Variants in RASGEF1C observed in about 807,000 individuals in gnomAD.
RASGEF1C encodes the protein RasGEF domain family member 1C.
In RASGEF1C, 27 loss-of-function variants were observed where a neutral mutation model predicts 58.1. The ratio of observed to expected loss-of-function variants is 0.46; its 90% CI spans 0.34 to 0.64. RASGEF1C has a LOEUF of 0.64. RASGEF1C is among the 30% of genes least tolerant of loss of function. The pLI, the probability that RASGEF1C is intolerant of heterozygous loss-of-function variation, is 0.01. For missense variants in RASGEF1C, 502 were observed against 605.1 expected (o/e 0.83, Z 1.79); for synonymous variants, 243 against 246.3 (o/e 0.99, Z 0.13).
chr5:180,119,929 G>C (rs970713164), intron 7 of RASGEF1C, among the ~76,000 whole-genome samples: 8 of 152,044 alleles, frequency 5.3e-5, no homozygotes, highest in Admixed American at 5.2e-4. Context: ...CAGGCGCTCG[G>C]GACTTCAGAC....
chr5:180,108,133 C>T (rs1765898752), intron 12 of RASGEF1C, among the ~76,000 whole-genome samples: 1 of 151,834 alleles, frequency 6.6e-6, no homozygotes, highest in African/African-American at 2.4e-5. Context: ...ACTGTGATGA[C>T]ATGAGTGTGG....
At chr5:180,112,215 C>T (rs1050926247) in intron 11 of RASGEF1C, among the ~76,000 whole-genome samples, 10 of 152,208 alleles carry the variant, frequency 6.6e-5, no homozygotes, top group Non-Finnish European at 1.3e-4. Flanking sequence ...GTTCCCTGGG[C>T]CCCTGCAGTG....
chr5:180,202,068 T>G (rs980410366), intron 1 of RASGEF1C, among the ~76,000 whole-genome samples: 2 of 151,726 alleles, frequency 1.3e-5, no homozygotes, highest in African/African-American at 4.8e-5. Context: ...AAAAGGTAAA[T>G]GTGAAATTAG....
chr5:180,163,249 TTTTC>T (rs377353504), intron 1 of RASGEF1C, among the ~76,000 whole-genome samples: 3,588 of 89,022 alleles, frequency 0.04, 338 homozygotes, highest in Middle Eastern at 0.082. Flanking sequence ...TTTTTTTTTT[TTTTC>T]CAGCCTATTG....
intron 1 of RASGEF1C, among the ~76,000 whole-genome samples, chr5:180,140,816 A>G (rs1175900617): frequency 1.3e-5 from 2 of 152,232 alleles, no homozygotes; most frequent in Non-Finnish European, 2.9e-5. Flanking sequence ...CGGCAGAGAG[A>G]CATGCCAGAC....
chr5:180,167,986 C>T (rs2113307065), intron 1 of RASGEF1C, among the ~76,000 whole-genome samples: 1 of 152,316 alleles, frequency 6.6e-6, no homozygotes, highest in African/African-American at 2.4e-5. Flanking sequence ...CGTGTGCTAC[C>T]TAGCGGCCAG....
At chr5:180,128,939 A>G (rs1389149991) in intron 4 of RASGEF1C, among the ~76,000 whole-genome samples, 1 of 152,200 alleles carries the variant, frequency 6.6e-6, no homozygotes, top group Non-Finnish European at 1.5e-5. Context: ...TGGGGTGGGC[A>G]CGGCCAGGAA....
At chr5:180,108,727 G>A (rs1765908553) in intron 12 of RASGEF1C, among the ~76,000 whole-genome samples, 1 of 152,094 alleles carries the variant, frequency 6.6e-6, no homozygotes. Flanking sequence ...TTGCTTCAAG[G>A]AGATTCAAGT....
intron 4 of RASGEF1C, among the ~76,000 whole-genome samples, chr5:180,135,717 A>G (rs1766459581): frequency 6.6e-6 from 1 of 152,198 alleles, no homozygotes; most frequent in Non-Finnish European, 1.5e-5. Context: ...GCAGCACTTG[A>G]TGCCCAGCAC....
chr5:180,160,973 G>A lies in RASGEF1C; in HGVS notation c.-6-22915C>T, dbSNP rs1009301529. On this transcript the variant is annotated intron_variant, in intron 1 of 13. Coordinates refer to ENST00000361132, the MANE Select transcript of RASGEF1C (RefSeq NM_175062.4). The stretch of plus-strand genomic sequence containing the variant: ...GACGACAGAAAACTGAGGAAGTGGC[G>A]TGTGACTGCATTTGGCACAGCCCTG... Among the ~76,000 whole-genome samples, 4 of 152,216 alleles carry A rather than the reference G, an allele frequency of 2.6e-5. No homozygotes were observed. In the East Asian group the frequency reaches 5.8e-4, roughly 22 times the overall value.
chr5:180,165,636 A>G (rs1215580920), intron 1 of RASGEF1C, among the ~76,000 whole-genome samples: 1 of 148,564 alleles, frequency 6.7e-6, no homozygotes, highest in Non-Finnish European at 1.5e-5. Context: ...GTGCCACAGC[A>G]CTCCAGCCTG....
Position 180,172,680 on chromosome 5 carries a change from G to A in RASGEF1C, c.-6-34622C>T, listed in dbSNP as rs1292743767. 3.3e-5 allele frequency among the ~76,000 whole-genome samples: 5 copies of A among 152,158 alleles called. No homozygotes were observed. In the East Asian group the frequency reaches 7.8e-4, roughly 24 times the overall value. On this transcript the variant is annotated intron_variant, in intron 1 of 13. Coordinates refer to ENST00000361132, the MANE Select transcript of RASGEF1C (RefSeq NM_175062.4). ...TCCACCCCAGAGCTTCGGGCTCCCA[G>A]CCCTTCTCTCACGCCCAGCTCCCCA...
In RASGEF1C at chr5:180,119,261, T is replaced by C. The variant is rs1000320045; in HGVS notation, c.907+85A>G. On this transcript the variant is annotated intron_variant, in intron 8 of 13. Coordinates refer to ENST00000361132, the MANE Select transcript of RASGEF1C (RefSeq NM_175062.4). ...CGCTGCTCAGAGGAGAGCCCTGGCT[T>C]GCACTCTGCCTGCCTGGCTGCACCC... The C allele has an allele frequency of 5.0e-5, 57 of 1,141,946 alleles. No individual in the cohort carries two copies. In the African/African-American group the frequency reaches 6.2e-4, roughly 12 times the overall value. 70.7% of individuals were successfully genotyped at this position (1,141,946 alleles called of 1,614,324 possible). A position where few individuals can be genotyped will look rare whatever the true frequency, so the allele number is the denominator to read the frequency against.
intron 1 of RASGEF1C, among the ~76,000 whole-genome samples, chr5:180,206,516 C>T (rs1014640875): frequency 2.0e-5 from 3 of 152,174 alleles, no homozygotes; most frequent in African/African-American, 7.2e-5. Flanking sequence ...AACGGTGCTA[C>T]CTCTTGACAA....
chr5:180,180,943 TATCA>T (rs1466350124), intron 1 of RASGEF1C, among the ~76,000 whole-genome samples: 1 of 152,212 alleles, frequency 6.6e-6, no homozygotes, highest in Non-Finnish European at 1.5e-5. Context: ...CATACAGCAC[TATCA>T]ATCAATGTTC....
intron 1 of RASGEF1C, among the ~76,000 whole-genome samples, chr5:180,146,020 G>T (rs745826730): frequency 4.6e-5 from 7 of 152,180 alleles, no homozygotes; most frequent in Non-Finnish European, 8.8e-5. Context: ...TGTTGATAGT[G>T]TCCTTTGAGG....
intron 1 of RASGEF1C, among the ~76,000 whole-genome samples, chr5:180,162,871 A>G (rs1183507238): frequency 6.6e-6 from 1 of 152,170 alleles, no homozygotes; most frequent in African/African-American, 2.4e-5. Context: ...GTGTGTCGCT[A>G]TGATTACTTG....
intron 1 of RASGEF1C, among the ~76,000 whole-genome samples, chr5:180,174,468 GTGTA>G (rs1391355600): frequency 9.6e-5 from 11 of 114,408 alleles, no homozygotes; most frequent in East Asian, 2.7e-4. Flanking sequence ...GCATGTCTGT[GTGTA>G]TGTGTGTCTG....
intron 1 of RASGEF1C, among the ~76,000 whole-genome samples, chr5:180,176,596 G>A (rs1159149804): frequency 3.6e-4 from 53 of 146,534 alleles, no homozygotes; most frequent in Admixed American, 3.0e-3. Context: ...TTGCTCTGTC[G>A]CCCAGGCTGG....
Sources: gnomAD v4.1 joint callset for allele counts (sites outside exome capture counted in the v4.1 genomes callset) on GRCh38, gnomAD v4.1.1 for gene constraint, MANE v1.5 for transcripts, NCBI Gene and HGNC (gene_info 2026-07-23, HGNC 2026-07-21) for gene names.